The following RGS7 variants were observed in gnomAD, a reference collection of about 807,000 sequenced individuals.
RGS7 encodes regulator of G-protein signaling 7.
In RGS7, 27 loss-of-function variants were observed where a neutral mutation model predicts 81.1. The ratio of observed to expected loss-of-function variants is 0.33; its 90% CI spans 0.25 to 0.46. RGS7 has a LOEUF of 0.46. Among genes scored for constraint, RGS7 ranks in the 20% least tolerant of loss-of-function variants. The probability of loss-of-function intolerance (pLI) is 1.00; values close to 1 mark genes in which losing one functional copy is unlikely to be tolerated. For missense variants in RGS7, 396 were observed against 607.4 expected (o/e 0.65, Z 3.66); for synonymous variants, 208 against 207.7 (o/e 1.00, Z -0.01).
At chr1:241,154,300 C>T (rs1480911156) in intron 2 of RGS7, among the ~76,000 whole-genome samples, 2 of 151,920 alleles carry the variant, frequency 1.3e-5, no homozygotes, top group Non-Finnish European at 2.9e-5. Context: ...GACAAAGAGC[C>T]CCAAGGAGAA....
chr1:240,881,123 A>G (rs1049381411), intron 6 of RGS7, among the ~76,000 whole-genome samples: 1 of 152,218 alleles, frequency 6.6e-6, no homozygotes, highest in Non-Finnish European at 1.5e-5. Context: ...AGAAAAAGAT[A>G]ATTATGTTCT....
intron 3 of RGS7, among the ~76,000 whole-genome samples, chr1:240,997,261 G>A (rs1687433567): frequency 6.6e-6 from 1 of 152,030 alleles, no homozygotes; most frequent in Admixed American, 6.6e-5. Context: ...GATTACAGGT[G>A]TCAGCCACCG....
intron 2 of RGS7, among the ~76,000 whole-genome samples, chr1:241,222,825 C>T (rs1393664803): frequency 6.6e-6 from 1 of 150,820 alleles, no homozygotes; most frequent in Non-Finnish European, 1.5e-5. Context: ...GCCCCCCACC[C>T]CCTGACAGGC....
At chr1:241,094,621 A>T (rs74150213) in intron 3 of RGS7, among the ~76,000 whole-genome samples, 2 of 117,056 alleles carry the variant, frequency 1.7e-5, no homozygotes, top group African/African-American at 6.8e-5. Flanking sequence ...AAACAAAAAC[A>T]AAAACAAAAA....
At chr1:241,118,458 A>T (rs2066023635) in intron 2 of RGS7, among the ~76,000 whole-genome samples, 1 of 152,198 alleles carries the variant, frequency 6.6e-6, no homozygotes. Flanking sequence ...TTTTTTTAAA[A>T]AATCAAATAG....
intron 4 of RGS7, among the ~76,000 whole-genome samples, chr1:240,967,827 CTTT>C (rs907352503): frequency 1.3e-5 from 2 of 152,062 alleles, no homozygotes; most frequent in African/African-American, 4.8e-5. Flanking sequence ...TTATTTTCTT[CTTT>C]TTATTTTTTT....
intron 2 of RGS7, among the ~76,000 whole-genome samples, chr1:241,106,589 G>A (rs989947026): frequency 1.3e-5 from 2 of 151,808 alleles, no homozygotes; most frequent in Admixed American, 6.6e-5. Flanking sequence ...GGTGGCAGGT[G>A]CCTGTAGTCC....
intron 2 of RGS7, among the ~76,000 whole-genome samples, chr1:241,314,883 TGA>T (rs2080771583): frequency 6.6e-6 from 1 of 152,134 alleles, no homozygotes; most frequent in African/African-American, 2.4e-5. Flanking sequence ...GTAGGAACTA[TGA>T]GAGCCACTTG....
intron 2 of RGS7, among the ~76,000 whole-genome samples, chr1:241,134,174 C>T (rs1381141837): frequency 6.6e-6 from 1 of 152,156 alleles, no homozygotes; most frequent in East Asian, 1.9e-4. Flanking sequence ...ATCATCCTAG[C>T]CCTCTCACAT....
chr1:241,324,446 A>C (rs1033353833), intron 2 of RGS7, among the ~76,000 whole-genome samples: 2 of 152,220 alleles, frequency 1.3e-5, no homozygotes, highest in African/African-American at 2.4e-5. Context: ...CTCTGCAAAA[A>C]GTATAACTCA....
At chr1:241,178,258 C>A (rs2071315542) in intron 2 of RGS7, among the ~76,000 whole-genome samples, 1 of 151,972 alleles carries the variant, frequency 6.6e-6, no homozygotes, top group Non-Finnish European at 1.5e-5. Context: ...TGCCACTGCA[C>A]TCCAGCCTGG....
At chr1:241,021,829 G>A (rs918610936) in intron 3 of RGS7, among the ~76,000 whole-genome samples, 10 of 152,184 alleles carry the variant, frequency 6.6e-5, no homozygotes, top group Middle Eastern at 3.4e-3. Context: ...AACCACTCGG[G>A]GTCCTATCTT....
chr1:240,956,380 CA>C (rs1381015749), intron 4 of RGS7, among the ~76,000 whole-genome samples: 1 of 45,222 alleles, frequency 2.2e-5, no homozygotes, highest in Non-Finnish European at 5.4e-5. Context: ...AAACAAAAAA[CA>C]AAAAAACAAA....
At chr1:241,086,340 C>A (rs1020734338) in intron 3 of RGS7, among the ~76,000 whole-genome samples, 2 of 152,168 alleles carry the variant, frequency 1.3e-5, no homozygotes, top group African/African-American at 4.8e-5. Context: ...CATTCATTGT[C>A]AAAGTCATAC....
chr1:240,884,232 T>C (rs940042089), intron 6 of RGS7, among the ~76,000 whole-genome samples: 2 of 152,176 alleles, frequency 1.3e-5, no homozygotes, highest in Non-Finnish European at 2.9e-5. Flanking sequence ...CTGTTGCCTG[T>C]GAGCTCAGTA....
chr1:241,239,862 A>T (rs1317602), intron 2 of RGS7, among the ~76,000 whole-genome samples: 3 of 152,156 alleles, frequency 2.0e-5, no homozygotes, highest in African/African-American at 4.8e-5. Flanking sequence ...AGAGAACTAG[A>T]GGGCCATCGA....
intron 4 of RGS7, among the ~76,000 whole-genome samples, chr1:240,969,250 A>G (rs1010207204): frequency 1.3e-5 from 2 of 152,162 alleles, no homozygotes; most frequent in African/African-American, 4.8e-5. Flanking sequence ...AGGAAATTCA[A>G]GTCGGCTTAT....
intron 2 of RGS7, among the ~76,000 whole-genome samples, chr1:241,099,779 T>C (rs946885876): frequency 3.9e-5 from 6 of 152,176 alleles, no homozygotes; most frequent in African/African-American, 1.4e-4. Context: ...ACCAGACATA[T>C]GACTGGGCAC....
At chr1:240,985,260 G>GT (rs1685486300) in intron 3 of RGS7, among the ~76,000 whole-genome samples, 1 of 152,196 alleles carries the variant, frequency 6.6e-6, no homozygotes, top group Non-Finnish European at 1.5e-5. Context: ...ATTTTTCAGA[G>GT]TTGAGCATCT....
Sources: gnomAD v4.1 joint callset for allele counts (sites outside exome capture counted in the v4.1 genomes callset) on GRCh38, gnomAD v4.1.1 for gene constraint, MANE v1.5 for transcripts, NCBI Gene and HGNC (gene_info 2026-07-23, HGNC 2026-07-21) for gene names.